The following SETX variants were observed in gnomAD, a reference collection of about 807,000 sequenced individuals.
The protein encoded by SETX is helicase senataxin.
SETX carries 90 observed loss-of-function variants against 227.2 expected under a neutral mutation model. That is an observed-to-expected ratio of 0.40 (90% CI 0.33 to 0.47). The LOEUF (loss-of-function observed/expected upper bound fraction) is 0.47, where lower values mean the gene tolerates loss of function less well. SETX is among the 20% of genes least tolerant of loss of function. The probability of loss-of-function intolerance (pLI) is 0.91; values close to 1 mark genes in which losing one functional copy is unlikely to be tolerated. For synonymous variants in SETX, 1,210 were observed against 1,113.2 expected (o/e 1.09, Z -1.73); for missense variants, 3,052 against 3,181.5 (o/e 0.96, Z 0.98).
chr9:132,321,288 G>A (rs1734081131), intron 10 of SETX, among the ~76,000 whole-genome samples: 1 of 152,174 alleles, frequency 6.6e-6, no homozygotes, highest in African/African-American at 2.4e-5. Context: ...GGGAGGCCAA[G>A]GCGGGTGGAT....
chr9:132,310,069 C>G (rs1845565490), intron 11 of SETX, among the ~76,000 whole-genome samples: 1 of 152,054 alleles, frequency 6.6e-6, no homozygotes, highest in African/African-American at 2.4e-5. Flanking sequence ...AGAACTCCTA[C>G]AAATCAACTG....
chr9:132,298,837 G>A (rs1345845217), intron 12 of SETX, among the ~76,000 whole-genome samples: 2 of 152,170 alleles, frequency 1.3e-5, no homozygotes, highest in East Asian at 3.8e-4. Context: ...ACATTTTATA[G>A]GGCTGTGCAG....
At chr9:132,272,950 G>A (rs1287307619) in intron 23 of SETX, among the ~76,000 whole-genome samples, 1 of 152,128 alleles carries the variant, frequency 6.6e-6, no homozygotes, top group Admixed American at 6.5e-5. Flanking sequence ...TGGTCACGCT[G>A]ATACTAAGTC....
intron 22 of SETX, among the ~76,000 whole-genome samples, chr9:132,275,723 T>C (rs1185036737): frequency 6.6e-6 from 1 of 152,210 alleles, no homozygotes; most frequent in East Asian, 1.9e-4. Context: ...TCTTCATCTG[T>C]TGAAACAGGG....
chr9:132,354,885 A>C (rs1645367940), intron 1 of SETX, 32 bp downstream of exon 1: 1 of 152,118 alleles, frequency 6.6e-6, no homozygotes, highest in African/African-American at 2.4e-5. Context: ...CGCCCGCCCG[A>C]CCTACGGCCT....
chr9:132,275,326 T>C lies in SETX; in HGVS notation c.7030A>G (p.Ile2344Val), dbSNP rs753684250. 3.1e-6 allele frequency: 5 copies of C among 1,614,024 alleles called. No individual in the cohort carries two copies. The highest frequency in any genetic ancestry group is 2.2e-5 in the East Asian group (1 of 44,868). Residue 2344 changes from isoleucine to valine, a missense_variant, in exon 23 of 26, where the codon ATA (isoleucine) becomes GTA (valine). Transcript: ENST00000224140. ...RKDVSFRNIG[I>V]ITHYKAQKTM... ...TTCTGGGCCTTGTAATGAGTTATTA[T>C]GCCAATGTTTCGAAAACTAACATCC...
At chr9:132,342,594 C>T (rs1848045072) in intron 5 of SETX, 96 bp downstream of exon 5, 3 of 974,314 alleles carry the variant, frequency 3.1e-6, no homozygotes, top group Non-Finnish European at 5.0e-6. Context: ...TTTTAGCAAA[C>T]ATTTTAAACA....
intron 24 of SETX, 49 bp downstream of exon 24, chr9:132,271,661 A>G (rs565381799): frequency 6.9e-7 from 1 of 1,450,318 alleles, no homozygotes; most frequent in African/African-American, 1.4e-5. Flanking sequence ...AACTATAAAC[A>G]AGCAACAATG....
Position 132,264,856 on chromosome 9 carries a change from G to C in SETX, c.7417C>G (p.Leu2473Val), listed in dbSNP as rs760196991. 3.1e-5 allele frequency: 50 copies of C among 1,614,044 alleles called. No individual in the cohort carries two copies. Among genetic ancestry groups the C allele is most frequent in the South Asian group, 2.7e-4 (25 of 91,090 alleles). Residue 2473 changes from leucine (L) to valine (V), a missense_variant, in exon 26 of 26, where the codon CTC (leucine) becomes GTC (valine). Around this residue, in one of 10 missense-constraint regions of SETX, gnomAD observed 294 missense variants for 278.8 expected, o/e 1.05. Coordinates refer to ENST00000224140, the MANE Select transcript of SETX (RefSeq NM_015046.7). ...GGGGCTATGGTAGGAGGGTGAGTGA[G>C]ACTTCTCTGCAGCACAGGCTTGAGT... Reference protein sequence around the residue: ...LKLKPVLQRSLTHPPTIAPEG... With the variant: ...LKLKPVLQRSVTHPPTIAPEG...
At chr9:132,336,192 G>T in intron 6 of SETX, 104 bp downstream of exon 6, 2 of 922,868 alleles carry the variant, frequency 2.2e-6, no homozygotes, top group Non-Finnish European at 3.5e-6. Flanking sequence ...GCGGTGAGTG[G>T]AGATGGTGCC....
chr9:132,330,200 A>C lies in SETX; in HGVS notation c.1398T>G (p.Ile466Met), dbSNP rs927783972. ...EFFLLILVSV[I>M]ELHRNKKCLH... Reference sequence around the variant, plus strand: ...AACATTTTTTATTTCTATGCAGTTCAATCACTGATACCAAAATTAGAAGAA... The same window carrying C: ...AACATTTTTTATTTCTATGCAGTTCCATCACTGATACCAAAATTAGAAGAA... The change falls in exon 10 of 26, where the codon ATT becomes ATG. Residue 466 changes from isoleucine to methionine, a missense_variant. Physicochemically the swap from Ile to Met is conservative, Grantham distance 10. Transcript: ENST00000224140. 1.3e-6 allele frequency: 2 copies of C among 1,578,294 alleles called. No homozygotes were observed. The highest frequency in any genetic ancestry group is 1.7e-6 in the Non-Finnish European group (2 of 1,161,530).
chr9:132,328,319 C>A lies in SETX; in HGVS notation c.3279G>T (p.Trp1093Cys). 6.2e-7 allele frequency: 1 copy of A among 1,613,974 alleles called. No homozygotes were observed. The highest frequency in any genetic ancestry group is 8.5e-7 in the Non-Finnish European group (1 of 1,179,976). The change falls in exon 10 of 26, where the codon TGG (tryptophan) becomes TGT (cysteine). Residue 1093 changes from tryptophan (W) to cysteine (C), a missense_variant. Around this residue, in one of 10 missense-constraint regions of SETX, gnomAD observed 1,483 missense variants for 1,312.0 expected, o/e 1.13. Coordinates refer to ENST00000224140, the MANE Select transcript of SETX (RefSeq NM_015046.7). ...AATTATTATCGTCTGGATGATCTTG[C>A]CAAACTGAAAACACTTCAGATGAAC... Reference protein sequence around the residue: ...FESSSEVFSVWQDHPDDNNSV... With the variant: ...FESSSEVFSVCQDHPDDNNSV...
rs532400867 is a variant in SETX at position 132,276,490 on chromosome 9, C to T, written c.6935+570G>A. The stretch of plus-strand genomic sequence containing the variant: ...ATTTGTGTTTCCTCCTACTTCATGA[C>T]AGAGTGGCACTTGTATCCGTGCCAA... On this transcript the variant is annotated intron_variant, in intron 22 of 25. Coordinates refer to ENST00000224140, the MANE Select transcript of SETX (RefSeq NM_015046.7). 1.5e-4 allele frequency among the ~76,000 whole-genome samples: 23 copies of T among 152,334 alleles called. No individual in the cohort carries two copies. The East Asian group carries it at 4.4e-3, about 29-fold the overall frequency.
intron 11 of SETX, among the ~76,000 whole-genome samples, chr9:132,307,492 A>G (rs1476319343): frequency 1.3e-5 from 2 of 152,138 alleles, no homozygotes; most frequent in Non-Finnish European, 2.9e-5. Context: ...GGCTCCTTAG[A>G]AAACTGTAAG....
chr9:132,299,843 A>AT (rs1345451213), intron 12 of SETX, among the ~76,000 whole-genome samples: 2 of 152,036 alleles, frequency 1.3e-5, no homozygotes, highest in Admixed American at 6.6e-5. Flanking sequence ...ATAAATGTAC[A>AT]TAAGAAGGAC....
intron 7 of SETX, among the ~76,000 whole-genome samples, chr9:132,331,901 G>A (rs1847260730): frequency 6.6e-6 from 1 of 152,182 alleles, no homozygotes; most frequent in Non-Finnish European, 1.5e-5. Context: ...AGATCTACAT[G>A]AAGCCCATAA....
intron 23 of SETX, among the ~76,000 whole-genome samples, chr9:132,272,067 A>G (rs1842931460): frequency 6.6e-6 from 1 of 151,952 alleles, no homozygotes; most frequent in Admixed American, 6.6e-5. Flanking sequence ...TATTTTTAGT[A>G]GAGACTGGGT....
chr9:132,313,096 A>G (rs1845760523), intron 10 of SETX, among the ~76,000 whole-genome samples: 1 of 152,218 alleles, frequency 6.6e-6, no homozygotes, highest in African/African-American at 2.4e-5. Flanking sequence ...ATGAAGAATG[A>G]CTACCAATGG....
intron 11 of SETX, among the ~76,000 whole-genome samples, chr9:132,307,943 C>T (rs1263978527): frequency 6.6e-6 from 1 of 152,142 alleles, no homozygotes. Context: ...TCCCAAAGTG[C>T]TGGGATTACA....
Sources: allele counts gnomAD v4.1 joint callset (sites outside exome capture counted in the v4.1 genomes callset), GRCh38; gene constraint gnomAD v4.1.1; regional missense constraint gnomAD v4.1.1; transcripts MANE v1.5; gene names NCBI Gene and HGNC (gene_info 2026-07-23, HGNC 2026-07-21).